The following SLC9A9 variants were observed in gnomAD, a reference collection of about 807,000 sequenced individuals.
SLC9A9 encodes the protein sodium/hydrogen exchanger 9.
SLC9A9 carries 62 observed loss-of-function variants against 77.8 expected under a neutral mutation model. That is an observed-to-expected ratio of 0.80 (90% CI 0.65 to 0.98). The LOEUF (loss-of-function observed/expected upper bound fraction) is 0.98, where lower values mean the gene tolerates loss of function less well. Among genes scored for constraint, SLC9A9 ranks in the 50% least tolerant of loss-of-function variants. The pLI is 0.00. For missense variants in SLC9A9, 775 were observed against 774.9 expected, an observed-to-expected ratio of 1.00 and a Z score of 0.00; for synonymous variants, 320 against 283.5, an observed-to-expected ratio of 1.13 and a Z score of -1.29.
intron 14 of SLC9A9, among the ~76,000 whole-genome samples, chr3:143,338,131 C>T (rs2031983452): frequency 6.6e-6 from 1 of 152,162 alleles, no homozygotes; most frequent in Non-Finnish European, 1.5e-5. Flanking sequence ...AAAACTGGCT[C>T]CGTTATCACA....
chr3:143,300,897 T>G (rs986489957), intron 14 of SLC9A9, among the ~76,000 whole-genome samples: 1 of 152,212 alleles, frequency 6.6e-6, no homozygotes, highest in African/African-American at 2.4e-5. Context: ...CCTAGGAGAT[T>G]TGCAGATTTG....
intron 11 of SLC9A9, among the ~76,000 whole-genome samples, chr3:143,493,140 A>C (rs2035777708): frequency 6.6e-6 from 1 of 152,212 alleles, no homozygotes; most frequent in African/African-American, 2.4e-5. Flanking sequence ...TGAGTGCTCA[A>C]TTAATATTCG....
Position 143,728,602 on chromosome 3 carries a change from G to T in SLC9A9, c.534-35295C>A, listed in dbSNP as rs550632023. On this transcript the variant is annotated intron_variant, in intron 4 of 15. Coordinates refer to ENST00000316549, the MANE Select transcript of SLC9A9 (RefSeq NM_173653.4). Reference sequence around the variant, plus strand: ...TTCAAGCAGCATGGGAAGGTGTGTGGCCTGTTTTTTCAGAAGGTTGCTGTG... The same window carrying T: ...TTCAAGCAGCATGGGAAGGTGTGTGTCCTGTTTTTTCAGAAGGTTGCTGTG... 2.4e-4 allele frequency among the ~76,000 whole-genome samples: 36 copies of T among 152,252 alleles called. No homozygotes were observed. In the South Asian group the frequency reaches 7.5e-3, roughly 32 times the overall value.
chr3:143,418,637 G>A (rs1447383574), intron 12 of SLC9A9, among the ~76,000 whole-genome samples: 1 of 152,134 alleles, frequency 6.6e-6, no homozygotes, highest in Non-Finnish European at 1.5e-5. Flanking sequence ...TGGAGAAGTG[G>A]CTGTGGTTGG....
chr3:143,386,432 CCT>C (rs140291367), intron 12 of SLC9A9, among the ~76,000 whole-genome samples: 2 of 152,280 alleles, frequency 1.3e-5, no homozygotes, highest in East Asian at 3.9e-4. Context: ...TGTGGCTCTG[CCT>C]CTCACTTGCT....
chr3:143,294,075 T>TAA (rs2030139301), intron 14 of SLC9A9, among the ~76,000 whole-genome samples: 1 of 152,220 alleles, frequency 6.6e-6, no homozygotes, highest in Non-Finnish European at 1.5e-5. Flanking sequence ...CTTTTTCTTA[T>TAA]AAAGTAAATT....
chr3:143,712,305 G>C (rs747424966), intron 4 of SLC9A9, among the ~76,000 whole-genome samples: 3 of 152,184 alleles, frequency 2.0e-5, no homozygotes, highest in African/African-American at 7.2e-5. Context: ...TTTGATCTTT[G>C]AGGATGCAGC....
chr3:143,532,212 G>C (rs1374497669), intron 9 of SLC9A9, among the ~76,000 whole-genome samples: 2 of 152,122 alleles, frequency 1.3e-5, no homozygotes, highest in African/African-American at 2.4e-5. Flanking sequence ...TGGCTCTCTG[G>C]GGGGACAGGG....
intron 4 of SLC9A9, among the ~76,000 whole-genome samples, chr3:143,734,753 G>C (rs949170827): frequency 1.4e-5 from 2 of 140,142 alleles, no homozygotes; most frequent in Non-Finnish European, 3.1e-5. Flanking sequence ...AAAAAAAAAA[G>C]ATACGTAGAC....
At chr3:143,668,597 T>G (rs376177972) in intron 5 of SLC9A9, among the ~76,000 whole-genome samples, 4 of 152,224 alleles carry the variant, frequency 2.6e-5, no homozygotes, top group African/African-American at 9.6e-5. Flanking sequence ...AAAAAGTTGA[T>G]TATCACTGGT....
intron 1 of SLC9A9, among the ~76,000 whole-genome samples, chr3:143,845,839 T>A (rs1055898027): frequency 6.6e-6 from 1 of 152,222 alleles, no homozygotes; most frequent in Non-Finnish European, 1.5e-5. Flanking sequence ...TCTCCATAAT[T>A]TTTATAATCC....
intron 6 of SLC9A9, among the ~76,000 whole-genome samples, chr3:143,614,925 A>G (rs1271732958): frequency 6.6e-6 from 1 of 152,210 alleles, no homozygotes; most frequent in African/African-American, 2.4e-5. Flanking sequence ...AGAGTTCTTC[A>G]GAGTCCTTCA....
intron 2 of SLC9A9, among the ~76,000 whole-genome samples, chr3:143,799,664 A>G (rs2008495175): frequency 6.6e-6 from 1 of 152,028 alleles, no homozygotes; most frequent in Admixed American, 6.5e-5. Context: ...GGACTGTTCA[A>G]CTCACCTGGC....
At chr3:143,466,667 G>C in intron 12 of SLC9A9, among the ~76,000 whole-genome samples, 1 of 152,348 alleles carries the variant, frequency 6.6e-6, no homozygotes, top group East Asian at 1.9e-4. Flanking sequence ...TTGTATTATA[G>C]ATTTCTCTGT....
chr3:143,295,117 A>ACTTTTT (rs1353178997), intron 14 of SLC9A9, among the ~76,000 whole-genome samples: 2 of 152,204 alleles, frequency 1.3e-5, no homozygotes, highest in African/African-American at 2.4e-5. Flanking sequence ...TTTGACAAAA[A>ACTTTTT]GTTAAAATAA....
chr3:143,367,576 G>A (rs980505859), intron 13 of SLC9A9, among the ~76,000 whole-genome samples: 1 of 152,172 alleles, frequency 6.6e-6, no homozygotes, highest in African/African-American at 2.4e-5. Context: ...TGCACTGAGG[G>A]TTGAAGATAA....
chr3:143,385,093 A>G (rs1292700101), intron 12 of SLC9A9, among the ~76,000 whole-genome samples: 1 of 152,130 alleles, frequency 6.6e-6, no homozygotes, highest in East Asian at 1.9e-4. Context: ...ATGATTTCCA[A>G]GAGGTGTATG....
intron 11 of SLC9A9, among the ~76,000 whole-genome samples, chr3:143,467,456 ATTTCTGGCTGG>A (rs1201952630): frequency 3.3e-5 from 5 of 152,162 alleles, no homozygotes; most frequent in African/African-American, 1.2e-4. Context: ...GATAAAGAAC[ATTTCTGGCTGG>A]GTGCAGTGGC....
At chr3:143,431,554 C>T (rs1437231206) in intron 12 of SLC9A9, among the ~76,000 whole-genome samples, 2 of 149,318 alleles carry the variant, frequency 1.3e-5, no homozygotes, top group African/African-American at 2.5e-5. Context: ...GCAATCTTGG[C>T]TCCCTGCAAG....
Sources: gnomAD v4.1 joint callset for allele counts (sites outside exome capture counted in the v4.1 genomes callset) on GRCh38, gnomAD v4.1.1 for gene constraint, MANE v1.5 for transcripts, NCBI Gene and HGNC (gene_info 2026-07-23, HGNC 2026-07-21) for gene names.